Variants in LRRC4B observed in about 807,000 individuals in gnomAD.
The protein encoded by LRRC4B is leucine rich repeat containing 4B, also known as leucine-rich repeat-containing protein 4B.
In LRRC4B, 1 loss-of-function variant was observed where a neutral mutation model predicts 7.3. The observed-to-expected ratio is 0.14, with a 90% CI of 0.05 to 0.65. The LOEUF (loss-of-function observed/expected upper bound fraction) is 0.65, where lower values mean the gene tolerates loss of function less well. LRRC4B is among the 30% of genes least tolerant of loss of function. The pLI is 0.84. For synonymous variants in LRRC4B, 500 were observed against 499.2 expected (o/e 1.00, Z -0.02); for missense variants, 730 against 1,041.6 (o/e 0.70, Z 4.12).
chr19:50,556,884 G>T lies in LRRC4B; in HGVS notation c.-35-8011C>A, dbSNP rs754847148. ...GCGGGCACAGGGTGGGCCCCGGAAC[G>T]TCCAGGAGGGAAGCCGGGAGGAGGG... On this transcript the variant is annotated intron_variant, in intron 1 of 2. Coordinates refer to ENST00000652263, the MANE Select transcript of LRRC4B (RefSeq NM_001080457.2). The surrounding 1 kb of genome is among the most constrained non-coding windows in gnomAD (Gnocchi z 4.2). 7.9e-5 allele frequency among the ~76,000 whole-genome samples: 12 copies of T among 152,016 alleles called. No homozygotes were observed. Among genetic ancestry groups the T allele is most frequent in the Non-Finnish European group, 2.9e-5 (2 of 67,994 alleles).
chr19:50,544,515 A>T (rs11882987), intron 2 of LRRC4B, among the ~76,000 whole-genome samples: 2,581 of 151,548 alleles, frequency 0.017, 70 homozygotes, highest in African/African-American at 0.055. Context: ...TCAAAAAAAA[A>T]AAATAAATAA....
chr19:50,527,965 TCTC>T (rs1395915020), intron 2 of LRRC4B, among the ~76,000 whole-genome samples: 1 of 151,884 alleles, frequency 6.6e-6, no homozygotes, highest in East Asian at 1.9e-4. Context: ...ATGGTCTCGA[TCTC>T]CTGACCTCGT....
intron 1 of LRRC4B, among the ~76,000 whole-genome samples, chr19:50,564,628 T>C (rs112850762): frequency 2.5e-4 from 38 of 150,372 alleles, no homozygotes; most frequent in African/African-American, 8.3e-4. Context: ...CCAGGGAAGA[T>C]GAGGGGAGAT....
chr19:50,541,131 C>CTG (rs1981526791), intron 2 of LRRC4B, among the ~76,000 whole-genome samples: 1 of 151,250 alleles, frequency 6.6e-6, no homozygotes, highest in Non-Finnish European at 1.5e-5. Context: ...TTGCAGTGAG[C>CTG]CGAGATGGCG....
chr19:50,527,605 G>A (rs1472943712), intron 2 of LRRC4B, among the ~76,000 whole-genome samples: 2 of 151,916 alleles, frequency 1.3e-5, no homozygotes, highest in Admixed American at 6.6e-5. Flanking sequence ...TGATATGAAC[G>A]GCCCTCTAGA....
Position 50,548,717 on chromosome 19 carries a change from A to G in LRRC4B, c.122T>C (p.Val41Ala), listed in dbSNP as rs2122893325. ...SPPLGAGGGG[V>A]AVTSAAGGGS... ...CCCTCCGGCGGCAGACGTCACGGCC[A>G]CTCCACCTCCACCGGCCCCCAGGGG... Residue 41 changes from valine to alanine, a missense_variant, in exon 2 of 3, where the codon GTG (valine) becomes GCG (alanine). Coordinates refer to ENST00000652263, the MANE Select transcript of LRRC4B (RefSeq NM_001080457.2). This position sits in a 1 kb window ranked among gnomAD's most constrained non-coding sequence, Gnocchi z 6.8. 1 of 1,541,252 alleles carries G rather than the reference A, an allele frequency of 6.5e-7. No individual in the cohort carries two copies. The highest frequency in any genetic ancestry group is 1.4e-5 in the African/African-American group (1 of 73,234).
intron 1 of LRRC4B, among the ~76,000 whole-genome samples, chr19:50,549,193 T>C (rs1266861652): frequency 2.0e-5 from 3 of 152,180 alleles, no homozygotes; most frequent in Non-Finnish European, 4.4e-5. Context: ...GTGCAGAAGT[T>C]GTCCAGATTC....
Position 50,519,707 on chromosome 19 carries a change from T to C in LRRC4B, c.298-292A>G, listed in dbSNP as rs570031566. Among the ~76,000 whole-genome samples the C allele has an allele frequency of 6.6e-6, 1 of 151,686 alleles. No individual in the cohort carries two copies. Among genetic ancestry groups the C allele is most frequent in the South Asian group, 2.1e-4 (1 of 4,806 alleles). On this transcript the variant is annotated intron_variant, in intron 2 of 2. Transcript: ENST00000652263. This position sits in a 1 kb window ranked among gnomAD's most constrained non-coding sequence, Gnocchi z 8.1. ...GCCTGGACAACATGGTGAAACCCTG[T>C]CTCTACTAAAAATACAAAAATTAGC...
In LRRC4B at chr19:50,517,441, T is replaced by A. The variant is rs2122750272; in HGVS notation, c.*130A>T. ...GCCCCAGATGGGGCTGGAAGCCACC[T>A]CTCCCCAATTCCCTGCGTGGTCCCA... On this transcript the variant is annotated 3_prime_UTR_variant, in exon 3 of 3. Transcript: ENST00000652263. The surrounding 1 kb of genome is among the most constrained non-coding windows in gnomAD (Gnocchi z 6.6). 2 of 823,522 alleles carry A rather than the reference T, an allele frequency of 2.4e-6. No homozygotes were observed. The highest frequency in any genetic ancestry group is 6.7e-5 in the East Asian group (2 of 29,826). 51.0% of individuals were successfully genotyped at this position (823,522 alleles called of 1,614,324 possible).
At chr19:50,540,786 C>A (rs1434554241) in intron 2 of LRRC4B, among the ~76,000 whole-genome samples, 1 of 151,752 alleles carries the variant, frequency 6.6e-6, no homozygotes, top group Non-Finnish European at 1.5e-5. Context: ...CAGATGGGAC[C>A]ATCTAGTTGC....
In LRRC4B at chr19:50,552,683, T is replaced by TCCATCCATCCAC. The variant is rs377729910; in HGVS notation, c.-35-3811_-35-3810insGTGGATGGATGG. Among the ~76,000 whole-genome samples the TCCATCCATCCAC allele has an allele frequency of 4.9e-3, 590 of 121,442 alleles. 21 individuals are homozygous for TCCATCCATCCAC. Among genetic ancestry groups the TCCATCCATCCAC allele is most frequent in the African/African-American group, 0.013 (353 of 27,962 alleles). The allele number at this position is 121,442 out of a possible 152,430, so 79.7% of individuals were successfully genotyped here. A position where few individuals can be genotyped will look rare whatever the true frequency, so the allele number is the denominator to read the frequency against. On this transcript the variant is annotated intron_variant, in intron 1 of 2. Transcript: ENST00000652263. ...ATCCATCCATCCATCCATCCATCCA[T>TCCATCCATCCAC]CCATCCGTCCATCCATCCGCCCATC...
At chr19:50,533,231 T>C (rs145673800) in intron 2 of LRRC4B, among the ~76,000 whole-genome samples, 2 of 152,340 alleles carry the variant, frequency 1.3e-5, no homozygotes, top group East Asian at 3.9e-4. Context: ...ATTGTCCTGA[T>C]TTTTATAGCT....
chr19:50,541,414 T>C (rs1981546331), intron 2 of LRRC4B, among the ~76,000 whole-genome samples: 1 of 149,898 alleles, frequency 6.7e-6, no homozygotes, highest in Non-Finnish European at 1.5e-5. Context: ...ACCATAAATG[T>C]AATGCCAAAA....
chr19:50,548,428 G>A lies in LRRC4B; in HGVS notation c.297+114C>T, dbSNP rs2122891444. On this transcript the variant is annotated intron_variant, in intron 2 of 2. Coordinates refer to ENST00000652263, the MANE Select transcript of LRRC4B (RefSeq NM_001080457.2). The surrounding 1 kb of genome is among the most constrained non-coding windows in gnomAD (Gnocchi z 6.8). ...TGCAGACCCGCAGGCCACATCCACAGGTGCCGGAGACGGGGAAGCCCCGGT... is the reference window on the plus strand; with the variant it reads ...TGCAGACCCGCAGGCCACATCCACAAGTGCCGGAGACGGGGAAGCCCCGGT... 1 of 1,399,876 alleles carries A rather than the reference G, an allele frequency of 7.1e-7. No homozygotes were observed. The highest frequency in any genetic ancestry group is 9.7e-7 in the Non-Finnish European group (1 of 1,035,928). The allele number at this position is 1,399,876 out of a possible 1,614,324, so 86.7% of individuals were successfully genotyped here.
intron 2 of LRRC4B, among the ~76,000 whole-genome samples, chr19:50,531,875 G>A (rs988889649): frequency 1.3e-5 from 2 of 152,182 alleles, no homozygotes; most frequent in African/African-American, 4.8e-5. Context: ...GGGACATGGC[G>A]AGCATGCAGT....
At chr19:50,526,955 G>T (rs893242828) in intron 2 of LRRC4B, among the ~76,000 whole-genome samples, 7 of 150,616 alleles carry the variant, frequency 4.6e-5, no homozygotes, top group Admixed American at 3.3e-4. Flanking sequence ...CCGGGTTCAT[G>T]CAATTCTCTT....
Position 50,548,806 on chromosome 19 carries a change from C to CG in LRRC4B, c.32dup (p.Leu12AlafsTer5). On this transcript the variant is annotated frameshift_variant, in exon 2 of 3. Transcript: ENST00000652263. LOFTEE classifies it high-confidence loss of function. This position sits in a 1 kb window ranked among gnomAD's most constrained non-coding sequence, Gnocchi z 6.8. ...GCCAGGACATCCTACCGGGCGGCAGCGGGGGGCACGGGGAGCCGCGGGCAC... is the reference window on the plus strand; with the variant it reads ...GCCAGGACATCCTACCGGGCGGCAGCGGGGGGGCACGGGGAGCCGCGGGCAC... 1 of 1,370,578 alleles carries CG rather than the reference C, an allele frequency of 7.3e-7. No homozygotes were observed. Among genetic ancestry groups the CG allele is most frequent in the Non-Finnish European group, 9.5e-7 (1 of 1,051,260 alleles). The allele number at this position is 1,370,578 out of a possible 1,614,324, so 84.9% of individuals were successfully genotyped here.
At chr19:50,522,395 C>T (rs1980618625) in intron 2 of LRRC4B, among the ~76,000 whole-genome samples, 6 of 152,134 alleles carry the variant, frequency 3.9e-5, no homozygotes, top group Admixed American at 3.9e-4. Flanking sequence ...TTTTTCCAAA[C>T]TTTGACACCA....
At chr19:50,529,353 C>G (rs536075193) in intron 2 of LRRC4B, among the ~76,000 whole-genome samples, 1 of 152,254 alleles carries the variant, frequency 6.6e-6, no homozygotes, top group East Asian at 1.9e-4. Flanking sequence ...TCACCAAACG[C>G]AGCTTATCAC....
Sources: gnomAD v4.1 joint callset for allele counts (sites outside exome capture counted in the v4.1 genomes callset) on GRCh38, gnomAD v4.1.1 for gene constraint, Gnocchi (gnomAD v3.1) non-coding constraint, MANE v1.5 for transcripts, NCBI Gene and HGNC (gene_info 2026-07-23, HGNC 2026-07-21) for gene names.